Variants in POLR1C observed in about 807,000 individuals in gnomAD.
The protein encoded by POLR1C is DNA-directed RNA polymerases I and III subunit RPAC1.
In POLR1C, 42 loss-of-function variants were observed where a neutral mutation model predicts 38.3. The observed-to-expected ratio is 1.10, with a 90% confidence interval of 0.86 to 1.42. The LOEUF is 1.42. Ranked by LOEUF, POLR1C falls within the 40% of genes most tolerant of loss-of-function variation. The pLI is 0.00. For synonymous variants in POLR1C, 163 were observed against 163.9 expected, an observed-to-expected ratio of 0.99 and a Z score of 0.04; for missense variants, 507 against 450.5, an observed-to-expected ratio of 1.13 and a Z score of -1.14.
chr6:43,545,099 C>T (rs1419744733), intron 9 of POLR1C, among the ~76,000 whole-genome samples: 1 of 151,964 alleles, frequency 6.6e-6, no homozygotes, highest in Non-Finnish European at 1.5e-5. Context: ...TCTGAAACTC[C>T]TGACCTCAAG....
At chr6:43,549,744 G>T (rs1355579096) in intron 9 of POLR1C, 23 of 1,120,484 alleles carry the variant, frequency 2.1e-5, no homozygotes, top group Middle Eastern at 2.9e-4. Context: ...CATGTTTCTT[G>T]TATGCCCTAT....
In POLR1C at chr6:43,521,430, C is replaced by A; in HGVS notation, c.*130C>A. ...GGGACAATTCCAGCTTTAATCAATA[C>A]ATTTTGTTAAATGTGCCATAAAATG... On this transcript the variant is annotated 3_prime_UTR_variant, in exon 9 of 9. Coordinates refer to ENST00000642195, the MANE Select transcript of POLR1C (RefSeq NM_203290.4). 1 of 1,558,030 alleles carries A rather than the reference C, an allele frequency of 6.4e-7. No homozygotes were observed. The highest frequency in any genetic ancestry group is 1.8e-5 in the Admixed American group (1 of 54,126).
chr6:43,548,654 CTT>C lies in POLR1C; in HGVS notation c.*5-2313_*5-2312del, dbSNP rs1327690550. The stretch of plus-strand genomic sequence containing the variant: ...AAGGCAATTTAGGCGGAAGATAGCT[CTT>C]GTCTTGAGTATTTGGATAACTGCAC... On this transcript the variant is annotated intron_variant, in intron 9 of 10. Transcript: ENST00000607635. 5.3e-5 allele frequency among the ~76,000 whole-genome samples: 8 copies of C among 151,878 alleles called. No homozygotes were observed. The East Asian group carries it at 1.2e-3, about 22-fold the overall frequency.
downstream of POLR1C, among the ~76,000 whole-genome samples, chr6:43,533,002 C>T (rs112878162): frequency 3.7e-4 from 57 of 152,024 alleles, 1 homozygote; most frequent in Middle Eastern, 3.4e-3. Context: ...AAAAATTAGC[C>T]GGGTGTGATG....
At chr6:43,537,995 G>A (rs1794447117) in intron 9 of POLR1C, among the ~76,000 whole-genome samples, 1 of 144,392 alleles carries the variant, frequency 6.9e-6, no homozygotes, top group African/African-American at 2.6e-5. Context: ...TGAGGCAGGA[G>A]AATTGCTTGA....
In POLR1C at chr6:43,538,170, A is replaced by G. The variant is rs530079149; in HGVS notation, c.*4+8811A>G. Among the ~76,000 whole-genome samples the G allele has an allele frequency of 5.2e-3, 559 of 107,132 alleles. 8 individuals are homozygous for G. Among genetic ancestry groups the G allele is most frequent in the Middle Eastern group, 9.3e-3 (2 of 214 alleles). The allele number at this position is 107,132 out of a possible 152,430, so 70.3% of individuals were successfully genotyped here. On this transcript the variant is annotated intron_variant, in intron 9 of 10. Coordinates refer to the POLR1C transcript ENST00000607635. ...TTTTTTTTTTTTTTTTTTTTTTTGA[A>G]ACAGAGATTTGCTCTGTCGCTCAGG...
downstream of POLR1C, chr6:43,534,088 CTACAGTTTCA>C (rs1794166905): frequency 9.1e-7 from 1 of 1,102,612 alleles, no homozygotes; most frequent in African/African-American, 1.6e-5. Context: ...TCCAGTGATA[CTACAGTTTCA>C]CACAGATCTG....
chr6:43,558,152 A>C, intron 10 of POLR1C, among the ~76,000 whole-genome samples: 1 of 152,168 alleles, frequency 6.6e-6, no homozygotes, highest in East Asian at 1.9e-4. Context: ...ACAGAACTAG[A>C]ATATTAGAAT....
chr6:43,527,562 T>G (rs1167080598), intron 8 of POLR1C: 1 of 1,495,556 alleles, frequency 6.7e-7, no homozygotes, highest in Non-Finnish European at 9.3e-7. Flanking sequence ...CAGGCCTTCA[T>G]GGAGTTGGCT....
At chr6:43,535,893 C>G (rs1427159632) in intron 9 of POLR1C, among the ~76,000 whole-genome samples, 3 of 151,188 alleles carry the variant, frequency 2.0e-5, no homozygotes, top group African/African-American at 7.3e-5. Context: ...GAGGCCAAGG[C>G]CGGAGAATCA....
At chr6:43,534,114 C>T (rs78863475), downstream of POLR1C, 7,650 of 753,010 alleles carry the variant, frequency 0.01, 367 homozygotes, top group African/African-American at 0.11. Flanking sequence ...ATCTGCCCAT[C>T]AACTCCTGGC....
downstream of POLR1C, among the ~76,000 whole-genome samples, chr6:43,530,406 G>A (rs191611275): frequency 8.0e-4 from 122 of 151,788 alleles, no homozygotes; most frequent in African/African-American, 2.7e-3. Context: ...GTGCAACAGA[G>A]TGAGCAAGAC....
intron 8 of POLR1C, chr6:43,528,175 G>C: frequency 6.3e-7 from 1 of 1,594,504 alleles, no homozygotes; most frequent in Admixed American, 1.8e-5. Context: ...AGGCTCCTTT[G>C]GTTGATAACT....
chr6:43,529,384 A>C, exon 9 of POLR1C: 2 of 362,074 alleles, frequency 5.5e-6, no homozygotes, highest in Non-Finnish European at 5.2e-6. Flanking sequence ...CTACTAAAAA[A>C]AAAAAAAAAA....
chr6:43,530,583 T>C, downstream of POLR1C: 6 of 1,346,310 alleles, frequency 4.5e-6, no homozygotes, highest in Non-Finnish European at 6.1e-6. Context: ...TAATCTCATC[T>C]CTTCCTTCCA....
chr6:43,555,627 T>A, intron 10 of POLR1C: 1 of 461,078 alleles, frequency 2.2e-6, no homozygotes, highest in East Asian at 3.6e-5. Flanking sequence ...AGGACATGGT[T>A]TTACCCTAAT....
downstream of POLR1C, chr6:43,524,854 C>G: frequency 6.2e-7 from 1 of 1,613,764 alleles, no homozygotes; most frequent in Non-Finnish European, 8.5e-7. Context: ...ATCTGGAAGG[C>G]CAGATGGACC....
chr6:43,519,443 A>AT lies in POLR1C; in HGVS notation c.249+5dup. ...TTCGACGAATTCTGCTAGCTGAGGTATTGGCAGGCATGGTGACAAGGCTGG... is the reference window on the plus strand; with the variant it reads ...TTCGACGAATTCTGCTAGCTGAGGTATTTGGCAGGCATGGTGACAAGGCTGG... On this transcript the variant is annotated splice_donor_region_variant and intron_variant, in intron 3 of 8. Transcript: ENST00000642195. 1 of 1,598,320 alleles carries AT rather than the reference A, an allele frequency of 6.3e-7. No individual in the cohort carries two copies.
At chr6:43,548,365 C>G in intron 9 of POLR1C, 1 of 1,613,624 alleles carries the variant, frequency 6.2e-7, no homozygotes, top group East Asian at 2.2e-5. Flanking sequence ...TAATGAGAAC[C>G]AGGGCTTCCA....
Sources: allele counts gnomAD v4.1 joint callset (sites outside exome capture counted in the v4.1 genomes callset), GRCh38; gene constraint gnomAD v4.1.1; transcripts MANE v1.5; gene names NCBI Gene and HGNC (gene_info 2026-07-23, HGNC 2026-07-21).